Variants in SERPINB10 observed in about 807,000 individuals in gnomAD.
The protein encoded by SERPINB10 is serpin B10.
A neutral mutation model predicts 39.1 loss-of-function variants in SERPINB10; 35 were observed. The ratio of observed to expected loss-of-function variants is 0.90; its 90% CI spans 0.68 to 1.19. The LOEUF is 1.19. Among genes scored for constraint, SERPINB10 ranks in the 50% most tolerant of loss-of-function variants. SERPINB10 has a pLI of 0.00. For synonymous variants in SERPINB10, 190 were observed against 158.1 expected, an observed-to-expected ratio of 1.20 and a Z score of -1.52; for missense variants, 546 against 460.5, an observed-to-expected ratio of 1.19 and a Z score of -1.70.
Position 63,924,746 on chromosome 18 carries a change from T to C in SERPINB10, c.490+4841T>C, listed in dbSNP as rs2050168958. ...AGTCATCTGTGATGCCTTTTGTGTGTGTATGCTGTGGTTTCCTCTATCAGT... is the reference window on the plus strand; with the variant it reads ...AGTCATCTGTGATGCCTTTTGTGTGCGTATGCTGTGGTTTCCTCTATCAGT... On this transcript the variant is annotated intron_variant, in intron 5 of 7. Coordinates refer to ENST00000238508, the MANE Select transcript of SERPINB10 (RefSeq NM_005024.3). Among the ~76,000 whole-genome samples the C allele has an allele frequency of 3.3e-5, 5 of 152,114 alleles. No individual in the cohort carries two copies. The South Asian group carries it at 1.0e-3, about 32-fold the overall frequency.
At chr18:63,925,972 A>T (rs2144732811) in intron 5 of SERPINB10, among the ~76,000 whole-genome samples, 1 of 152,176 alleles carries the variant, frequency 6.6e-6, no homozygotes, top group South Asian at 2.1e-4. Context: ...ACTTCCTTAC[A>T]TGATTCATTG....
chr18:63,922,352 A>G (rs2031863369), intron 5 of SERPINB10, among the ~76,000 whole-genome samples: 1 of 152,022 alleles, frequency 6.6e-6, no homozygotes, highest in African/African-American at 2.4e-5. Flanking sequence ...AGCAGTTACT[A>G]GGTACTTGCA....
intron 1 of SERPINB10, among the ~76,000 whole-genome samples, chr18:63,912,285 G>T (rs1199019921): frequency 6.6e-6 from 1 of 151,842 alleles, no homozygotes; most frequent in African/African-American, 2.4e-5. Flanking sequence ...TCTTTCTCTT[G>T]TCTCATTGCT....
At chr18:63,926,054 AG>A (rs2144732924) in intron 5 of SERPINB10, among the ~76,000 whole-genome samples, 1 of 152,128 alleles carries the variant, frequency 6.6e-6, no homozygotes, top group African/African-American at 2.4e-5. Flanking sequence ...AGGTAAACAG[AG>A]TGGTTAAAAA....
intron 5 of SERPINB10, among the ~76,000 whole-genome samples, chr18:63,923,995 A>G (rs748312584): frequency 6.6e-6 from 1 of 151,930 alleles, no homozygotes; most frequent in Non-Finnish European, 1.5e-5. Context: ...CTTTTTCATT[A>G]GTGAGATCAG....
intron 7 of SERPINB10, among the ~76,000 whole-genome samples, chr18:63,933,636 G>T (rs1045897137): frequency 1.3e-5 from 2 of 152,268 alleles, no homozygotes; most frequent in Non-Finnish European, 1.5e-5. Context: ...ACACACGTAC[G>T]CAGACATCAA....
chr18:63,915,780 A>G, intron 2 of SERPINB10, 102 bp downstream of exon 2: 1 of 1,001,966 alleles, frequency 1.0e-6, no homozygotes, highest in Non-Finnish European at 1.4e-6. Flanking sequence ...TTTACATTTC[A>G]CAATAACATT....
chr18:63,930,233 A>T, intron 6 of SERPINB10, 46 bp downstream of exon 6: 7 of 1,580,900 alleles, frequency 4.4e-6, no homozygotes, highest in Non-Finnish European at 6.1e-6. Context: ...ATGGCATTGT[A>T]CAAGTGATTC....
chr18:63,917,604 C>T (rs1046042578), intron 3 of SERPINB10, 83 bp downstream of exon 3: 5 of 754,318 alleles, frequency 6.6e-6, no homozygotes, highest in African/African-American at 3.7e-5. Context: ...ACTGAAGCAA[C>T]TTTTAGCAGG....
chr18:63,908,375 G>C (rs1197250471), intron 1 of SERPINB10, among the ~76,000 whole-genome samples: 7 of 152,044 alleles, frequency 4.6e-5, no homozygotes, highest in Non-Finnish European at 8.8e-5. Flanking sequence ...TCACATTTAT[G>C]TATCTGTCAA....
At chr18:63,908,614 G>A (rs1328908777) in intron 1 of SERPINB10, among the ~76,000 whole-genome samples, 4 of 152,064 alleles carry the variant, frequency 2.6e-5, no homozygotes, top group Admixed American at 2.6e-4. Context: ...AATAATAAAT[G>A]TTCCTAATCC....
intron 6 of SERPINB10, among the ~76,000 whole-genome samples, chr18:63,931,579 AT>A (rs1208261761): frequency 6.6e-6 from 1 of 152,144 alleles, no homozygotes; most frequent in Non-Finnish European, 1.5e-5. Flanking sequence ...TCATTTGGCA[AT>A]TGGTCTTATT....
At chr18:63,926,277 T>G (rs1028146489) in intron 5 of SERPINB10, among the ~76,000 whole-genome samples, 2 of 152,010 alleles carry the variant, frequency 1.3e-5, no homozygotes, top group African/African-American at 4.8e-5. Flanking sequence ...TCTTGTTATC[T>G]GTATCTCTCT....
intron 5 of SERPINB10, among the ~76,000 whole-genome samples, chr18:63,929,607 T>C (rs183591632): frequency 1.3e-5 from 2 of 151,952 alleles, no homozygotes; most frequent in East Asian, 3.9e-4. Flanking sequence ...ACTTCCTTTT[T>C]TACCACTATG....
chr18:63,930,703 T>C (rs2050216292), intron 6 of SERPINB10, among the ~76,000 whole-genome samples: 1 of 152,160 alleles, frequency 6.6e-6, no homozygotes, highest in Non-Finnish European at 1.5e-5. Context: ...GACTTAAATG[T>C]TGTCAGGATT....
rs1293190666 is a variant in SERPINB10 at position 63,917,494 on chromosome 18, C to A, written c.207C>A (p.Asp69Glu). The A allele has an allele frequency of 2.5e-6, 4 of 1,578,702 alleles. No homozygotes were observed. Among genetic ancestry groups the A allele is most frequent in the Admixed American group, 1.8e-5 (1 of 54,944 alleles). ...QFNRDQGVKCDPESEKKRKME... is the reference protein window; with the variant it reads ...QFNRDQGVKCEPESEKKRKME... ...ACAGAGACCAGGGAGTCAAATGTGA[C>A]CCTGAAAGTGAAAAAAAAAGGAAAA... The change falls in exon 3 of 8, where the codon GAC (aspartate) becomes GAA (glutamate). Residue 69 changes from aspartate to glutamate, a missense_variant. Asp to Glu is a conservative substitution (Grantham distance 45). Transcript: ENST00000238508.
In SERPINB10 at chr18:63,915,493, T is replaced by C; in HGVS notation, c.-9-9T>C. The stretch of plus-strand genomic sequence containing the variant: ...ATATGCTCTCTAATTTTTGCTTTAT[T>C]TTTCTTAGGTTTCCTCAATGGACTC... On this transcript the variant is annotated splice_polypyrimidine_tract_variant and intron_variant, in intron 1 of 7. Coordinates refer to ENST00000238508, the MANE Select transcript of SERPINB10 (RefSeq NM_005024.3). 6.4e-7 allele frequency: 1 copy of C among 1,574,518 alleles called. No individual in the cohort carries two copies.
At chr18:63,913,844 G>A (rs1490162110) in intron 1 of SERPINB10, among the ~76,000 whole-genome samples, 1 of 152,036 alleles carries the variant, frequency 6.6e-6, no homozygotes, top group Non-Finnish European at 1.5e-5. Context: ...GTCTAATGCT[G>A]TCAATGGGGT....
Position 63,929,940 on chromosome 18 carries a change from T to C in SERPINB10, c.491-105T>C. ...CCAGAAAATCAAAAACCAGGACTTTTAAAGAAAACTTTTATAGTTCCAGAA... is the reference window on the plus strand; with the variant it reads ...CCAGAAAATCAAAAACCAGGACTTTCAAAGAAAACTTTTATAGTTCCAGAA... On this transcript the variant is annotated intron_variant, in intron 5 of 7. Transcript: ENST00000238508. 3 of 1,218,454 alleles carry C rather than the reference T, an allele frequency of 2.5e-6. No individual in the cohort carries two copies. In the South Asian group the frequency reaches 4.2e-5, roughly 17 times the overall value. The allele number at this position is 1,218,454 out of a possible 1,614,324, so 75.5% of individuals were successfully genotyped here.
Sources: allele counts gnomAD v4.1 joint callset (sites outside exome capture counted in the v4.1 genomes callset), GRCh38; gene constraint gnomAD v4.1.1; transcripts MANE v1.5; gene names NCBI Gene and HGNC (gene_info 2026-07-23, HGNC 2026-07-21).